Variants in NUP160 observed in about 807,000 individuals in gnomAD.
NUP160 encodes nucleoporin 160.
NUP160 carries 94 observed loss-of-function variants against 196.9 expected under a neutral mutation model. That is an observed-to-expected ratio of 0.48 (90% CI 0.40 to 0.57). NUP160 has a LOEUF of 0.57. Ranked by LOEUF, NUP160 falls within the 20% of genes least tolerant of loss-of-function variation. The pLI is 0.00. For synonymous variants in NUP160, 605 were observed against 619.7 expected, an observed-to-expected ratio of 0.98 and a Z score of 0.35; for missense variants, 1,638 against 1,748.3, an observed-to-expected ratio of 0.94 and a Z score of 1.13.
intron 4 of NUP160, among the ~76,000 whole-genome samples, chr11:47,838,642 G>A (rs79082167): frequency 4.8e-4 from 72 of 150,702 alleles, no homozygotes; most frequent in African/African-American, 1.4e-3. Context: ...TGGGGGGGGC[G>A]GAGGTTGCAG....
In NUP160 at chr11:47,798,279, G is replaced by C. The variant is rs757820697; in HGVS notation, c.2992-17C>G. Reference sequence around the variant, plus strand: ...TAGAGTAGCCTAAATATCAAATGTAGATCAAATATCAAAAAGAGCAATAGA... The same window carrying C: ...TAGAGTAGCCTAAATATCAAATGTACATCAAATATCAAAAAGAGCAATAGA... On this transcript the variant is annotated splice_polypyrimidine_tract_variant and intron_variant, in intron 24 of 35. Transcript: ENST00000378460. The C allele has an allele frequency of 1.3e-5, 20 of 1,574,330 alleles. No individual in the cohort carries two copies. Among genetic ancestry groups the C allele is most frequent in the Non-Finnish European group, 1.7e-5 (20 of 1,144,820 alleles).
chr11:47,813,496 T>C (rs1423888775), intron 13 of NUP160, 81 bp from the exon 14 acceptor site: 3 of 871,550 alleles, frequency 3.4e-6, no homozygotes, highest in South Asian at 2.9e-5. Flanking sequence ...CATCTTATCA[T>C]GAGGCAAACC....
chr11:47,795,884 G>T (rs1348365920), intron 27 of NUP160, among the ~76,000 whole-genome samples: 1 of 152,124 alleles, frequency 6.6e-6, no homozygotes, highest in African/African-American at 2.4e-5. Flanking sequence ...AGGCGCAGTG[G>T]CTCACGGCTG....
At chr11:47,787,398 G>GA (rs1374567911) in intron 31 of NUP160, among the ~76,000 whole-genome samples, 2 of 147,710 alleles carry the variant, frequency 1.4e-5, no homozygotes, top group Non-Finnish European at 3.0e-5. Flanking sequence ...GAAAAATTCT[G>GA]AAAGTTCAAA....
intron 27 of NUP160, among the ~76,000 whole-genome samples, chr11:47,793,681 T>A (rs922538773): frequency 6.8e-6 from 1 of 147,530 alleles, no homozygotes; most frequent in Non-Finnish European, 1.5e-5. Context: ...ATTTGACATA[T>A]AAATACAACA....
At chr11:47,830,538 G>A (rs1042697639) in intron 7 of NUP160, among the ~76,000 whole-genome samples, 2 of 152,112 alleles carry the variant, frequency 1.3e-5, no homozygotes, top group African/African-American at 2.4e-5. Flanking sequence ...AAAAAAGAAC[G>A]AGATCATGTC....
At chr11:47,792,243 T>G (rs575660955) in intron 28 of NUP160, 5 of 395,082 alleles carry the variant, frequency 1.3e-5, no homozygotes, top group Admixed American at 4.5e-5. Flanking sequence ...ATCAACTAAT[T>G]TTTCTCGGCT....
chr11:47,810,263 T>C (rs1355357565), intron 17 of NUP160, among the ~76,000 whole-genome samples: 1 of 151,968 alleles, frequency 6.6e-6, no homozygotes, highest in Admixed American at 6.6e-5. Context: ...AATGGCGCAA[T>C]CACAGCTCAC....
intron 17 of NUP160, among the ~76,000 whole-genome samples, chr11:47,809,009 G>A (rs947303636): frequency 1.6e-4 from 25 of 151,976 alleles, no homozygotes; most frequent in Admixed American, 6.6e-5. Context: ...GCTGAGGCAG[G>A]AGAATCGCTT....
At chr11:47,780,043 T>G (rs2097659769) in intron 35 of NUP160, among the ~76,000 whole-genome samples, 1 of 152,230 alleles carries the variant, frequency 6.6e-6, no homozygotes, top group African/African-American at 2.4e-5. Flanking sequence ...CATTGCTGTA[T>G]TTCAAGTACC....
In NUP160 at chr11:47,847,430, G is replaced by A. The variant is rs567953023; in HGVS notation, c.314+418C>T. Among the ~76,000 whole-genome samples, 5 of 152,098 alleles carry A rather than the reference G, an allele frequency of 3.3e-5. No individual in the cohort carries two copies. The East Asian group carries it at 7.7e-4, about 23-fold the overall frequency. The stretch of plus-strand genomic sequence containing the variant: ...ACATCTATTCTGACATTGCTACAAC[G>A]TCTTGCATGATGAAAATTGCAGTTT... On this transcript the variant is annotated intron_variant, in intron 2 of 35. Transcript: ENST00000378460.
chr11:47,815,413 G>A (rs1449379688), intron 13 of NUP160, 66 bp downstream of exon 13: 3 of 1,302,658 alleles, frequency 2.3e-6, no homozygotes, highest in South Asian at 3.8e-5. Flanking sequence ...GTTTTCTGAA[G>A]GCATTTTGTT....
At position 47,807,094 on chromosome 11, in the gene NUP160, CAG is replaced by C; in HGVS notation, c.2420_2421del (p.Ser807TrpfsTer7). 1.2e-6 allele frequency: 2 copies of C among 1,611,932 alleles called. No homozygotes were observed. The highest frequency in any genetic ancestry group is 1.1e-5 in the South Asian group (1 of 90,994). ...CCAAACCTATTTGCCATTAAAGCAC[CAG>C]AGTCTGTTAATTCCAGTACTGATAA... On this transcript the variant is annotated frameshift_variant, in exon 19 of 36. Transcript: ENST00000378460. LOFTEE classifies it high-confidence loss of function.
rs557482115 is a variant in NUP160, at chr11:47,815,608, C to T, written c.1557G>A (p.Glu519=). The stretch of plus-strand genomic sequence containing the variant: ...AGAATTCTTGTTGTAAATTTCGAAA[C>T]TCCTCCTGGGAGAATTCATACTCTG... The change falls in exon 13 of 36, where the codon GAG becomes GAA. Residue 519 remains glutamate (E), a synonymous_variant. Transcript: ENST00000378460. 5.6e-6 allele frequency: 9 copies of T among 1,611,270 alleles called. No individual in the cohort carries two copies. In the African/African-American group the frequency reaches 1.1e-4, roughly 19 times the overall value.
intron 17 of NUP160, among the ~76,000 whole-genome samples, chr11:47,810,917 C>A (rs2097680762): frequency 6.6e-6 from 1 of 151,886 alleles, no homozygotes; most frequent in Admixed American, 6.6e-5. Flanking sequence ...AAATGGGAGC[C>A]CCAAAGGACT....
At chr11:47,840,246 ATCAAAGTATGCTT>A (rs1687871743) in intron 3 of NUP160, 119 bp downstream of exon 3, 1 of 881,658 alleles carries the variant, frequency 1.1e-6, no homozygotes, top group Non-Finnish European at 1.9e-6. Flanking sequence ...AGCGGTAGCT[ATCAAAGTATGCTT>A]GGTGAGGGAT....
chr11:47,847,931 T>C (rs749616005), exon 2 of NUP160: 1 of 1,614,174 alleles, frequency 6.2e-7, no homozygotes, highest in Non-Finnish European at 8.5e-7. Context: ...CACTGTATTT[T>C]ACGGCGCCAG....
chr11:47,836,391 CA>C (rs747314973), intron 6 of NUP160, among the ~76,000 whole-genome samples: 21 of 152,048 alleles, frequency 1.4e-4, no homozygotes, highest in Non-Finnish European at 2.9e-4. Flanking sequence ...ATTTTAAAAA[CA>C]TATTTGTTGC....
intron 9 of NUP160, 26 bp from the exon 10 acceptor site, chr11:47,819,484 T>G: frequency 6.6e-7 from 1 of 1,517,796 alleles, no homozygotes; most frequent in Non-Finnish European, 9.2e-7. Context: ...TCCACCAGTT[T>G]ATACAGAAAT....
Sources: allele counts gnomAD v4.1 joint callset (sites outside exome capture counted in the v4.1 genomes callset), GRCh38; gene constraint gnomAD v4.1.1; transcripts MANE v1.5; gene names NCBI Gene and HGNC (gene_info 2026-07-23, HGNC 2026-07-21).